The following XXYLT1 variants were observed in gnomAD, a reference collection of about 807,000 sequenced individuals.
XXYLT1 encodes the protein UDP-xylose:alpha-xyloside alpha-1,3-xylosyltransferase.
In XXYLT1, 20 loss-of-function variants were observed where a neutral mutation model predicts 28.9. The ratio of observed to expected loss-of-function variants is 0.69; its 90% CI spans 0.49 to 1.00. The LOEUF (loss-of-function observed/expected upper bound fraction) is 1.00. Among genes scored for constraint, XXYLT1 ranks in the 50% least tolerant of loss-of-function variants. The pLI is 0.00. For synonymous variants in XXYLT1, 257 were observed against 253.8 expected, an observed-to-expected ratio of 1.01 and a Z score of -0.12; for missense variants, 542 against 560.1, an observed-to-expected ratio of 0.97 and a Z score of 0.33.
In XXYLT1 at chr3:195,168,758, G is replaced by A. The variant is rs1451487886; in HGVS notation, c.653-12177C>T. 1.3e-5 allele frequency among the ~76,000 whole-genome samples: 2 copies of A among 152,176 alleles called. No individual in the cohort carries two copies. Among genetic ancestry groups the A allele is most frequent in the African/African-American group, 4.8e-5 (2 of 41,436 alleles). Reference sequence around the variant, plus strand: ...TGCCAGCCCCTGGAATATTTGAAAGGCCCTCACTTTCTATTTTGCAAATGT... The same window carrying A: ...TGCCAGCCCCTGGAATATTTGAAAGACCCTCACTTTCTATTTTGCAAATGT... On this transcript the variant is annotated intron_variant, in intron 2 of 3. Transcript: ENST00000310380. This position sits in a 1 kb window ranked among gnomAD's most constrained non-coding sequence, Gnocchi z 4.3.
At chr3:195,072,140 A>G (rs1714855800) in intron 3 of XXYLT1, among the ~76,000 whole-genome samples, 1 of 152,106 alleles carries the variant, frequency 6.6e-6, no homozygotes, top group Non-Finnish European at 1.5e-5. Context: ...CACAGGGCTG[A>G]TGAGGAACGA....
chr3:195,270,489 GCA>G (rs1560185632), intron 1 of XXYLT1, 64 bp downstream of exon 1: 1 of 1,350,806 alleles, frequency 7.4e-7, no homozygotes. Context: ...CTCCGGGAGC[GCA>G]AACTGACCTC....
intron 1 of XXYLT1, among the ~76,000 whole-genome samples, chr3:195,268,328 G>A (rs1003331820): frequency 5.9e-5 from 9 of 152,034 alleles, no homozygotes; most frequent in Non-Finnish European, 1.2e-4. Flanking sequence ...CTACTCAGGA[G>A]GCTGGGCCAG....
At chr3:195,184,722 G>C (rs1265410074) in intron 2 of XXYLT1, 3 of 985,136 alleles carry the variant, frequency 3.0e-6, no homozygotes, top group African/African-American at 3.5e-5. Context: ...TCCAATATTT[G>C]AGTCTATCAT....
intron 3 of XXYLT1, among the ~76,000 whole-genome samples, chr3:195,110,366 CGTGTGTGCTGT>C (rs1717540931): frequency 1.2e-3 from 4 of 3,222 alleles, no homozygotes; most frequent in Admixed American, 3.8e-3. Flanking sequence ...TATGTGCGTG[CGTGTGTGCTGT>C]ATAAGTGTGT....
At position 195,195,007 on chromosome 3, in the gene XXYLT1, A is replaced by G. The variant is rs1206641468; in HGVS notation, c.652+31702T>C. On this transcript the variant is annotated intron_variant, in intron 2 of 3. Coordinates refer to ENST00000310380, the MANE Select transcript of XXYLT1 (RefSeq NM_152531.5). The surrounding 1 kb of genome is among the most constrained non-coding windows in gnomAD (Gnocchi z 4.4). The stretch of plus-strand genomic sequence containing the variant: ...CGTGGTTACATAAACCTATAAATTT[A>G]CTAAAACCACAGAATTGTGCATTTG... Among the ~76,000 whole-genome samples, 2 of 152,200 alleles carry G rather than the reference A, an allele frequency of 1.3e-5. No homozygotes were observed. The highest frequency in any genetic ancestry group is 2.9e-5 in the Non-Finnish European group (2 of 68,028).
chr3:195,245,568 T>C (rs1724986672), intron 1 of XXYLT1, among the ~76,000 whole-genome samples: 1 of 152,152 alleles, frequency 6.6e-6, no homozygotes, highest in Admixed American at 6.5e-5. Flanking sequence ...GAGCGGCAGC[T>C]GAAGGAACTA....
At chr3:195,214,449 C>G (rs1364438080) in intron 2 of XXYLT1, among the ~76,000 whole-genome samples, 1 of 152,156 alleles carries the variant, frequency 6.6e-6, no homozygotes, top group African/African-American at 2.4e-5. Flanking sequence ...GCCCCCACCC[C>G]CGTCAATCCT....
chr3:195,083,810 G>A (rs971677719), intron 3 of XXYLT1, among the ~76,000 whole-genome samples: 3 of 152,154 alleles, frequency 2.0e-5, no homozygotes, highest in Non-Finnish European at 4.4e-5. Context: ...CAGATCACTT[G>A]CAGTCAGGAG....
chr3:195,238,606 G>C (rs141514901), intron 1 of XXYLT1, among the ~76,000 whole-genome samples: 38 of 152,258 alleles, frequency 2.5e-4, no homozygotes, highest in African/African-American at 8.2e-4. Context: ...TTCTTCGTGG[G>C]TAATACAGGA....
At chr3:195,157,778 C>G (rs528319371) in intron 2 of XXYLT1, among the ~76,000 whole-genome samples, 1 of 152,218 alleles carries the variant, frequency 6.6e-6, no homozygotes, top group Admixed American at 6.5e-5. Flanking sequence ...AATGATGAAG[C>G]AGCGAGAGCA....
intron 3 of XXYLT1, among the ~76,000 whole-genome samples, chr3:195,082,952 C>A (rs1348572695): frequency 6.6e-6 from 1 of 152,216 alleles, no homozygotes; most frequent in Non-Finnish European, 1.5e-5. Context: ...AGCCAGGAAG[C>A]CCTGCTCACC....
chr3:195,169,636 G>T (rs1372848799), intron 2 of XXYLT1, among the ~76,000 whole-genome samples: 3 of 151,894 alleles, frequency 2.0e-5, no homozygotes, highest in Admixed American at 6.6e-5. Flanking sequence ...TTTACGATAG[G>T]TTTATTGGGC....
intron 3 of XXYLT1, among the ~76,000 whole-genome samples, chr3:195,135,739 T>C (rs562197673): frequency 2.0e-5 from 3 of 152,338 alleles, no homozygotes; most frequent in African/African-American, 7.2e-5. Context: ...AGGTTTTTAC[T>C]GTGGGAAAGA....
In XXYLT1 at chr3:195,129,880, C is replaced by T. The variant is rs1360629726; in HGVS notation, c.785+26569G>A. ...TGGTCAGGGTCACTAAGTTTGTGAA[C>T]AGCCAGACTGTTCTTCAGAGCAGCT... On this transcript the variant is annotated intron_variant, in intron 3 of 3. Coordinates refer to ENST00000310380, the MANE Select transcript of XXYLT1 (RefSeq NM_152531.5). The surrounding 1 kb of genome is among the most constrained non-coding windows in gnomAD (Gnocchi z 4.4). Among the ~76,000 whole-genome samples the T allele has an allele frequency of 6.6e-6, 1 of 152,154 alleles. No individual in the cohort carries two copies. Among genetic ancestry groups the T allele is most frequent in the Admixed American group, 6.5e-5 (1 of 15,278 alleles).
At chr3:195,096,338 G>A (rs2108668956) in intron 3 of XXYLT1, among the ~76,000 whole-genome samples, 1 of 152,306 alleles carries the variant, frequency 6.6e-6, no homozygotes. Flanking sequence ...AGCACTCAGA[G>A]GCCTCCAGGT....
rs1577056371 is a variant in XXYLT1 at position 195,124,808 on chromosome 3, G to A, written c.785+31641C>T. ...ACAACTCCCACTAGAGCCAAGCAGC[G>A]TACGGACAGGGGCTGGCTCCGGGAA... On this transcript the variant is annotated intron_variant, in intron 3 of 3. Transcript: ENST00000310380. The surrounding 1 kb of genome is among the most constrained non-coding windows in gnomAD (Gnocchi z 4.1). Among the ~76,000 whole-genome samples, 2 of 152,260 alleles carry A rather than the reference G, an allele frequency of 1.3e-5. No individual in the cohort carries two copies. The highest frequency in any genetic ancestry group is 4.1e-4 in the South Asian group (2 of 4,828).
intron 1 of XXYLT1, among the ~76,000 whole-genome samples, chr3:195,267,786 C>T (rs906006202): frequency 5.3e-5 from 8 of 152,088 alleles, no homozygotes; most frequent in Non-Finnish European, 1.2e-4. Context: ...AAAGCCGAGA[C>T]CTGAAAGCTG....
intron 3 of XXYLT1, among the ~76,000 whole-genome samples, chr3:195,116,245 A>G (rs1246796516): frequency 6.6e-6 from 1 of 152,198 alleles, no homozygotes; most frequent in East Asian, 1.9e-4. Flanking sequence ...TCTCAACTGC[A>G]GCAACATTTC....
Sources: allele counts gnomAD v4.1 joint callset (sites outside exome capture counted in the v4.1 genomes callset), GRCh38; gene constraint gnomAD v4.1.1; non-coding constraint Gnocchi (gnomAD v3.1); transcripts MANE v1.5; gene names NCBI Gene and HGNC (gene_info 2026-07-23, HGNC 2026-07-21).